Variants in PSG6 observed in about 807,000 individuals in gnomAD.
The protein encoded by PSG6 is pregnancy-specific beta-1-glycoprotein 6.
A neutral mutation model predicts 43.3 loss-of-function variants in PSG6; 51 were observed. That is an observed-to-expected ratio of 1.18 (90% CI 0.94 to 1.49). The LOEUF is 1.49. Ranked by LOEUF, PSG6 falls within the 40% of genes most tolerant of loss-of-function variation. PSG6 has a pLI of 0.00. For synonymous variants in PSG6, 292 were observed against 197.6 expected (o/e 1.48, Z -4.01); for missense variants, 770 against 522.2 (o/e 1.47, Z -4.62).
Position 42,906,974 on chromosome 19 carries a change from A to G in PSG6, c.1188T>C (p.Arg396=), listed in dbSNP as rs1972123986. Residue 396 remains arginine, a synonymous_variant, in exon 5 of 6, where the codon CGT becomes CGC. Coordinates refer to ENST00000187910, the MANE Select transcript of PSG6 (RefSeq NM_001031850.4). ...NHSGLYACSV[R]NSATGKEISK... is the part of the protein sequence containing the mutation. ...AGATTTCCTTGCCAGTGGCTGAGTT[A>G]CGAACAGAGCAAGCATAGAGCCCGC... 1 of 1,612,456 alleles carries G rather than the reference A, an allele frequency of 6.2e-7. No homozygotes were observed. The highest frequency in any genetic ancestry group is 8.5e-7 in the Non-Finnish European group (1 of 1,179,112).
At position 42,917,776 on chromosome 19, in the gene PSG6, G is replaced by T. The variant is rs1972366973; in HGVS notation, c.17C>A (p.Ala6Asp). 4 of 1,610,024 alleles carry T rather than the reference G, an allele frequency of 2.5e-6. No homozygotes were observed. Among genetic ancestry groups the T allele is most frequent in the Non-Finnish European group, 2.5e-6 (3 of 1,177,830 alleles). The change falls in exon 1 of 6, where the codon GCC (alanine) becomes GAC (aspartate). Residue 6 changes from alanine to aspartate, a missense_variant. Coordinates refer to ENST00000187910, the MANE Select transcript of PSG6 (RefSeq NM_001031850.4). MGPLS[A>D]PPCTQHITWK... The stretch of plus-strand genomic sequence containing the variant: ...GGTGATGTGCTGAGTGCAGGGAGGG[G>T]CTGAGAGGGGTCCCATGGTCTCTGC...
At chr19:42,909,469 G>C (rs1470248101) in intron 3 of PSG6, among the ~76,000 whole-genome samples, 1 of 151,550 alleles carries the variant, frequency 6.6e-6, no homozygotes, top group East Asian at 1.9e-4. Context: ...TGGGATTCTG[G>C]TAGGGGTTGC....
rs780363530 is a variant in PSG6, at chr19:42,917,723, C to A, written c.64+6G>T. On this transcript the variant is annotated splice_donor_region_variant and intron_variant, in intron 1 of 5. Coordinates refer to ENST00000187910, the MANE Select transcript of PSG6 (RefSeq NM_001031850.4). ...CCTGTCCTCTCCCAGGAAGTCCTCT[C>A]CTCACCTGTGAGCAGGAGCCCCTTC... 12 of 1,609,474 alleles carry A rather than the reference C, an allele frequency of 7.5e-6. No homozygotes were observed. In the Admixed American group the frequency reaches 1.0e-4, roughly 13 times the overall value.
At position 42,916,186 on chromosome 19, in the gene PSG6, G is replaced by C; in HGVS notation, c.366C>G (p.His122Gln). The C allele has an allele frequency of 6.2e-7, 1 of 1,612,188 alleles. No homozygotes were observed. The highest frequency in any genetic ancestry group is 8.5e-7 in the Non-Finnish European group (1 of 1,179,054). Residue 122 changes from histidine to glutamine, a missense_variant, in exon 2 of 6, where the codon CAC becomes CAG. His to Gln is a conservative substitution (Grantham distance 24). Coordinates refer to ENST00000187910, the MANE Select transcript of PSG6 (RefSeq NM_001031850.4). The stretch of plus-strand genomic sequence containing the variant: ...CAGTCCCATCGCCTCGCTTTATGAT[G>C]TGTAAGGTGTAGGATCCTGCATCCT... ...TQEDAGSYTL[H>Q]IIKRGDGTGG...
At chr19:42,907,926 G>C in intron 3 of PSG6, 72 bp from the exon 4 acceptor site, 1 of 1,574,708 alleles carries the variant, frequency 6.4e-7, no homozygotes. Context: ...ATTCAGAGTT[G>C]GCATCTCCCA....
intron 5 of PSG6, among the ~76,000 whole-genome samples, chr19:42,904,712 T>G (rs1420208002): frequency 6.6e-6 from 1 of 151,710 alleles, no homozygotes; most frequent in African/African-American, 2.4e-5. Context: ...AGGACAGTGC[T>G]GCCCAAAGTG....
chr19:42,912,709 G>A (rs1197203870), intron 2 of PSG6, among the ~76,000 whole-genome samples: 1 of 151,796 alleles, frequency 6.6e-6, no homozygotes, highest in Admixed American at 6.6e-5. Flanking sequence ...CTTAAGGTCA[G>A]GAAACACCAC....
intron 5 of PSG6, 75 bp from the exon 6 acceptor site, chr19:42,902,521 G>A: frequency 6.3e-7 from 1 of 1,582,154 alleles, no homozygotes; most frequent in South Asian, 1.2e-5. Flanking sequence ...CTTTCCCACA[G>A]GCTCCCAGCA....
intron 2 of PSG6, among the ~76,000 whole-genome samples, chr19:42,912,075 AT>A (rs1972237867): frequency 6.6e-6 from 1 of 151,604 alleles, no homozygotes; most frequent in Non-Finnish European, 1.5e-5. Context: ...ATTTTGGAAT[AT>A]TTGCAGTATA....
chr19:42,917,272 C>A (rs192656234), intron 1 of PSG6, among the ~76,000 whole-genome samples: 19 of 151,328 alleles, frequency 1.3e-4, no homozygotes, highest in Admixed American at 4.6e-4. Flanking sequence ...TGTGACTTTC[C>A]TATTTTGACC....
chr19:42,904,674 A>G (rs571441630), intron 5 of PSG6, among the ~76,000 whole-genome samples: 3 of 151,856 alleles, frequency 2.0e-5, no homozygotes, highest in Admixed American at 2.0e-4. Context: ...TTTTGTGTTC[A>G]TGAATTGGAA....
intron 3 of PSG6, chr19:42,910,208 G>T (rs572402232): frequency 2.0e-5 from 8 of 408,082 alleles, no homozygotes; most frequent in Non-Finnish European, 2.7e-5. Flanking sequence ...AGGCGATATT[G>T]TCAGAGGGAA....
At chr19:42,916,621 C>T (rs1568448574) in intron 1 of PSG6, 134 bp from the exon 2 acceptor site, 2 of 1,324,776 alleles carry the variant, frequency 1.5e-6, no homozygotes, top group Non-Finnish European at 2.1e-6. Flanking sequence ...CAAACACACA[C>T]ACACAAAAGG....
chr19:42,916,021 T>C (rs1972318320), intron 2 of PSG6, 104 bp downstream of exon 2: 4 of 1,563,598 alleles, frequency 2.6e-6, no homozygotes, highest in African/African-American at 1.4e-5. Context: ...TGGGACATAA[T>C]GCAGAGAGTG....
Position 42,910,105 on chromosome 19 carries a change from A to G in PSG6, c.706+475T>C, listed in dbSNP as rs548916494. 15 of 216,098 alleles carry G rather than the reference A, an allele frequency of 6.9e-5. No individual in the cohort carries two copies. The East Asian group carries it at 1.6e-3, about 24-fold the overall frequency. The allele number at this position is 216,098 out of a possible 1,614,324, so 13.4% of individuals were successfully genotyped here. On this transcript the variant is annotated intron_variant, in intron 3 of 5. Transcript: ENST00000187910. ...AGTGGGTGAGAGTCTGTGAGGCAGGAGAGCTTGGGGACTTCCCCTGTATGG... is the reference window on the plus strand; with the variant it reads ...AGTGGGTGAGAGTCTGTGAGGCAGGGGAGCTTGGGGACTTCCCCTGTATGG...
At position 42,903,646 on chromosome 19, in the gene PSG6, T is replaced by C. The variant is rs906136498; in HGVS notation, c.1241-1200A>G. ...TGGGTCATGTTTTAATCCTAGCACT[T>C]TGGGAGGTCACAGCAGAAGGATTTC... On this transcript the variant is annotated intron_variant, in intron 5 of 5. Coordinates refer to ENST00000187910, the MANE Select transcript of PSG6 (RefSeq NM_001031850.4). 9 of 1,522,150 alleles carry C rather than the reference T, an allele frequency of 5.9e-6. No homozygotes were observed. The African/African-American group carries it at 1.3e-4, about 21-fold the overall frequency. The allele number at this position is 1,522,150 out of a possible 1,614,324, so 94.3% of individuals were successfully genotyped here.
intron 1 of PSG6, 54 bp downstream of exon 1, chr19:42,917,675 A>T: frequency 6.3e-7 from 1 of 1,599,074 alleles, no homozygotes; most frequent in Non-Finnish European, 8.5e-7. Flanking sequence ...AGGATACCCC[A>T]TCCAGTCACT....
intron 1 of PSG6, 52 bp downstream of exon 1, chr19:42,917,677 C>A: frequency 6.2e-7 from 1 of 1,600,874 alleles, no homozygotes; most frequent in Non-Finnish European, 8.5e-7. Flanking sequence ...GATACCCCAT[C>A]CAGTCACTCT....
In PSG6 at chr19:42,902,573, C is replaced by T. The variant is rs559043715; in HGVS notation, c.1241-127G>A. ...TCTAGTTCTCCGAGGCTCTCTTTAA[C>T]TCCAATGGGTGACTGGTTGGAGGAT... On this transcript the variant is annotated intron_variant, in intron 5 of 5. Transcript: ENST00000187910. 340 of 1,307,574 alleles carry T rather than the reference C, an allele frequency of 2.6e-4. 9 individuals are homozygous for T. In the Middle Eastern group the frequency reaches 4.1e-3, roughly 16 times the overall value. The allele number at this position is 1,307,574 out of a possible 1,614,324, so 81.0% of individuals were successfully genotyped here. A position where few individuals can be genotyped will look rare whatever the true frequency, so the allele number is the denominator to read the frequency against.
Sources: allele counts gnomAD v4.1 joint callset (sites outside exome capture counted in the v4.1 genomes callset), GRCh38; gene constraint gnomAD v4.1.1; transcripts MANE v1.5; gene names NCBI Gene and HGNC (gene_info 2026-07-23, HGNC 2026-07-21).